Variants in CBL observed in about 807,000 individuals in gnomAD.
CBL encodes Cbl proto-oncogene.
A neutral mutation model predicts 96.9 loss-of-function variants in CBL; 45 were observed. That is an observed-to-expected ratio of 0.46 (90% CI 0.37 to 0.60). The LOEUF (loss-of-function observed/expected upper bound fraction) is 0.60, where lower values mean the gene tolerates loss of function less well. Among genes scored for constraint, CBL ranks in the 20% least tolerant of loss-of-function variants. CBL has a pLI of 0.00. For synonymous variants in CBL, 420 were observed against 426.8 expected, an observed-to-expected ratio of 0.98 and a Z score of 0.20; for missense variants, 1,024 against 1,143.5, an observed-to-expected ratio of 0.90 and a Z score of 1.51.
intron 1 of CBL, among the ~76,000 whole-genome samples, chr11:119,230,785 T>G (rs1400621541): frequency 6.6e-6 from 1 of 152,236 alleles, no homozygotes; most frequent in Non-Finnish European, 1.5e-5. Flanking sequence ...GGACTTTCTG[T>G]TCCACTAGTT....
At position 119,278,498 on chromosome 11, in the gene CBL, C is replaced by CT. The variant is rs397517078; in HGVS notation, c.1228-10dup. 2.7e-4 allele frequency: 429 copies of CT among 1,610,996 alleles called. 2 individuals are homozygous for CT. In the East Asian group the frequency reaches 5.9e-3, roughly 22 times the overall value. On this transcript the variant is annotated splice_polypyrimidine_tract_variant and intron_variant, in intron 8 of 15. Coordinates refer to ENST00000264033, the MANE Select transcript of CBL (RefSeq NM_005188.4). ...CAGATGCATCTGTTACTATCTTTTG[C>CT]TTCTTCTGCAGGAATCAGAAGGTCA...
intron 11 of CBL, among the ~76,000 whole-genome samples, chr11:119,286,567 G>A (rs1271384985): frequency 6.6e-6 from 1 of 152,114 alleles, no homozygotes; most frequent in Non-Finnish European, 1.5e-5. Flanking sequence ...GTGGAATGAT[G>A]ATTAGGTTAT....
chr11:119,221,506 G>A (rs892418618), intron 1 of CBL, among the ~76,000 whole-genome samples: 5 of 151,990 alleles, frequency 3.3e-5, no homozygotes, highest in South Asian at 2.1e-4. Flanking sequence ...AGTGGCTCAC[G>A]TCTATAATCC....
At chr11:119,275,198 T>C (rs575830761) in intron 5 of CBL, among the ~76,000 whole-genome samples, 2 of 152,330 alleles carry the variant, frequency 1.3e-5, no homozygotes, top group Non-Finnish European at 2.9e-5. Context: ...CCCAGCACTT[T>C]GGGAGGCCGA....
intron 9 of CBL, among the ~76,000 whole-genome samples, chr11:119,283,561 T>C (rs1949954253): frequency 6.6e-6 from 1 of 151,706 alleles, no homozygotes; most frequent in African/African-American, 2.4e-5. Context: ...TTCTTTCTTC[T>C]AATTTGGTAC....
chr11:119,257,514 C>T (rs945341241), intron 2 of CBL, among the ~76,000 whole-genome samples: 2 of 152,160 alleles, frequency 1.3e-5, no homozygotes, highest in East Asian at 3.9e-4. Context: ...GGATATTAGA[C>T]CTTTGTTGGA....
intron 14 of CBL, 44 bp from the exon 15 acceptor site, chr11:119,298,314 A>C (rs748695656): frequency 4.7e-5 from 73 of 1,548,446 alleles, no homozygotes; most frequent in Middle Eastern, 1.7e-4. Flanking sequence ...GTATTAGAAG[A>C]TGAAGTGCGT....
intron 2 of CBL, among the ~76,000 whole-genome samples, chr11:119,255,466 T>C (rs2135283520): frequency 6.6e-6 from 1 of 152,324 alleles, no homozygotes; most frequent in East Asian, 1.9e-4. Flanking sequence ...GTTACTGCAG[T>C]GAATTGTTCA....
intron 2 of CBL, among the ~76,000 whole-genome samples, chr11:119,260,152 C>T (rs1488400501): frequency 6.6e-6 from 1 of 152,098 alleles, no homozygotes; most frequent in South Asian, 2.1e-4. Context: ...TTTCATGTCC[C>T]GTTACTGAGT....
chr11:119,282,745 A>T (rs1949947060), intron 9 of CBL, among the ~76,000 whole-genome samples: 1 of 152,100 alleles, frequency 6.6e-6, no homozygotes, highest in African/African-American at 2.4e-5. Context: ...AAGCAGAAGG[A>T]TGTGGTGAGA....
intron 12 of CBL, among the ~76,000 whole-genome samples, chr11:119,291,134 C>T (rs1025402545): frequency 8.5e-5 from 13 of 152,180 alleles, no homozygotes; most frequent in Middle Eastern, 3.2e-3. Flanking sequence ...TGGTGGCTCA[C>T]GCCTGTAATC....
intron 1 of CBL, among the ~76,000 whole-genome samples, chr11:119,214,434 A>C (rs1949341821): frequency 6.6e-6 from 1 of 152,128 alleles, no homozygotes; most frequent in East Asian, 1.9e-4. Flanking sequence ...CTTTTGGTAG[A>C]GATGGGGTTT....
chr11:119,244,784 C>T (rs2135275218), intron 2 of CBL, among the ~76,000 whole-genome samples: 1 of 151,958 alleles, frequency 6.6e-6, no homozygotes, highest in East Asian at 1.9e-4. Flanking sequence ...CTCCTGAGTT[C>T]AAGCAATCCG....
chr11:119,209,536 T>C (rs1415337295), intron 1 of CBL, among the ~76,000 whole-genome samples: 1 of 152,094 alleles, frequency 6.6e-6, no homozygotes, highest in Admixed American at 6.6e-5. Context: ...GGAGAATCCC[T>C]TGAACCTGGG....
At position 119,285,385 on chromosome 11, in the gene CBL, G is replaced by T; in HGVS notation, c.1760G>T (p.Gly587Val). ...KLPPVPSSRL[G>V]DSWLPRPIPK... ...CCCCCTGTCCCCTCTAGCCGCCTTG[G>T]AGACTCATGGCTGCCCCGGCCAATC... The change falls in exon 11 of 16, where the codon GGA becomes GTA. Residue 587 changes from glycine (G) to valine (V), a missense_variant. Around this residue, in one of 4 missense-constraint regions of CBL, gnomAD observed 695 missense variants for 661.6 expected, o/e 1.05. Transcript: ENST00000264033. 6.2e-7 allele frequency: 1 copy of T among 1,614,126 alleles called. No homozygotes were observed. The highest frequency in any genetic ancestry group is 8.5e-7 in the Non-Finnish European group (1 of 1,180,020).
chr11:119,297,095 AC>A (rs1348477770), intron 13 of CBL, 61 bp downstream of exon 13: 1 of 886,112 alleles, frequency 1.1e-6, no homozygotes, highest in Non-Finnish European at 1.9e-6. Context: ...GACACCCTTC[AC>A]CTGCTTGGCT....
chr11:119,270,698 G>A lies in CBL; in HGVS notation c.444-1037G>A, dbSNP rs919390937. On this transcript the variant is annotated intron_variant, in intron 2 of 15. Transcript: ENST00000264033. ...CCTGACCTCGTGATCCGCCCGCCTC[G>A]GCCTCCCAAAGTGCTGGGATTACAG... Among the ~76,000 whole-genome samples, 12 of 151,448 alleles carry A rather than the reference G, an allele frequency of 7.9e-5. 1 individual carries two copies. The highest frequency in any genetic ancestry group is 2.2e-4 in the African/African-American group (9 of 41,292).
Position 119,253,241 on chromosome 11 carries a change from T to A in CBL, c.444-18494T>A, listed in dbSNP as rs563582214. ...ATTATTTGTCATTTGAAAAAAAAAT[T>A]TTTTTAAGTATTCTCATAAGATTGT... is the stretch of plus-strand genomic sequence containing the variant. On this transcript the variant is annotated intron_variant, in intron 2 of 15. Coordinates refer to ENST00000264033, the MANE Select transcript of CBL (RefSeq NM_005188.4). Among the ~76,000 whole-genome samples the A allele has an allele frequency of 2.2e-3, 338 of 151,816 alleles. 1 individual carries two copies. The highest frequency in any genetic ancestry group is 3.9e-3 in the Non-Finnish European group (265 of 67,894).
At chr11:119,245,778 T>G (rs1949623276) in intron 2 of CBL, among the ~76,000 whole-genome samples, 1 of 151,792 alleles carries the variant, frequency 6.6e-6, no homozygotes, top group Non-Finnish European at 1.5e-5. Context: ...TCAACCTTCT[T>G]CATAACTGGG....
Sources: allele counts gnomAD v4.1 joint callset (sites outside exome capture counted in the v4.1 genomes callset), GRCh38; gene constraint gnomAD v4.1.1; regional missense constraint gnomAD v4.1.1; transcripts MANE v1.5; gene names NCBI Gene and HGNC (gene_info 2026-07-23, HGNC 2026-07-21).